The following KCND2 variants were observed in gnomAD, a reference collection of about 807,000 sequenced individuals.
KCND2 encodes potassium voltage-gated channel subfamily D member 2.
In KCND2, 16 loss-of-function variants were observed where a neutral mutation model predicts 54.4. The ratio of observed to expected loss-of-function variants is 0.29; its 90% confidence interval spans 0.20 to 0.45. KCND2 has a LOEUF of 0.45. KCND2 is among the 20% of genes least tolerant of loss of function. The pLI is 1.00. For missense variants in KCND2, 486 were observed against 824.2 expected (o/e 0.59, Z 5.02); for synonymous variants, 317 against 310.7 (o/e 1.02, Z -0.21).
Position 120,748,692 on chromosome 7 carries a change from T to C in KCND2, c.*834T>C, listed in dbSNP as rs13225809. The C allele has an allele frequency of 1.3e-5, 2 of 152,416 alleles. No individual in the cohort carries two copies. Among genetic ancestry groups the C allele is most frequent in the African/African-American group, 2.4e-5 (1 of 41,440 alleles). 9.4% of individuals were successfully genotyped at this position (152,416 alleles called of 1,614,324 possible). On this transcript the variant is annotated 3_prime_UTR_variant, in exon 6 of 6. Coordinates refer to ENST00000331113, the MANE Select transcript of KCND2 (RefSeq NM_012281.3). ...ATAGATACGGTAAGAGCCACATTCG[T>C]AGAAAAACTTCTGGTGTGGCCAGGT...
At chr7:120,566,393 G>T (rs1792297934) in intron 1 of KCND2, among the ~76,000 whole-genome samples, 1 of 151,908 alleles carries the variant, frequency 6.6e-6, no homozygotes, top group Non-Finnish European at 1.5e-5. Flanking sequence ...AGGCTGTAGT[G>T]CAGTGGCACA....
At chr7:120,424,684 T>G (rs1801675341) in intron 1 of KCND2, among the ~76,000 whole-genome samples, 1 of 152,236 alleles carries the variant, frequency 6.6e-6, no homozygotes, top group Non-Finnish European at 1.5e-5. Flanking sequence ...TTTCATCTTC[T>G]ACTTCATACT....
chr7:120,749,757 C>T lies in KCND2; in HGVS notation c.*1899C>T, dbSNP rs1246829671. 6.6e-6 allele frequency: 1 copy of T among 152,256 alleles called. No individual in the cohort carries two copies. 9.4% of individuals were successfully genotyped at this position (152,256 alleles called of 1,614,324 possible). ...TCCTAGTACATCTTTTAAAAAGTTA[C>T]TAATTTTCCAGCAGTACAAATATTA... is the stretch of plus-strand genomic sequence containing the variant. On this transcript the variant is annotated 3_prime_UTR_variant, in exon 6 of 6. Coordinates refer to ENST00000331113, the MANE Select transcript of KCND2 (RefSeq NM_012281.3).
chr7:120,421,361 G>A (rs1327852671), intron 1 of KCND2, among the ~76,000 whole-genome samples: 1 of 152,198 alleles, frequency 6.6e-6, no homozygotes, highest in Non-Finnish European at 1.5e-5. Context: ...AGATAATGAT[G>A]CAGGAAAAAG....
At chr7:120,331,073 T>A (rs187563366) in intron 1 of KCND2, among the ~76,000 whole-genome samples, 2 of 152,272 alleles carry the variant, frequency 1.3e-5, no homozygotes, top group Non-Finnish European at 2.9e-5. Context: ...ATTTCAAAAC[T>A]ATTATTTTCT....
rs377746178 is a variant in KCND2, at chr7:120,274,931, G to A, written c.299G>A (p.Arg100His). 2 of 1,613,808 alleles carry A rather than the reference G, an allele frequency of 1.2e-6. No homozygotes were observed. Among genetic ancestry groups the A allele is most frequent in the East Asian group, 2.2e-5 (1 of 44,860 alleles). The change falls in exon 1 of 6, where the codon CGC becomes CAC. Residue 100 changes from arginine (R) to histidine (H), a missense_variant. Arg to His is a conservative substitution (Grantham distance 29, BLOSUM62 0). Around this residue, in one of 7 missense-constraint regions of KCND2, gnomAD observed 231 missense variants for 386.0 expected, o/e 0.60. Coordinates refer to ENST00000331113, the MANE Select transcript of KCND2 (RefSeq NM_012281.3). The stretch of plus-strand genomic sequence containing the variant: ...TTCCGCCACATCCTGAATTTCTACC[G>A]CACTGGGAAGCTCCACTATCCTCGC... ...DIFRHILNFY[R>H]TGKLHYPRHE...
chr7:120,682,029 A>G (rs1792145896), intron 1 of KCND2, among the ~76,000 whole-genome samples: 1 of 152,040 alleles, frequency 6.6e-6, no homozygotes, highest in South Asian at 2.1e-4. Context: ...TGTAATTAAT[A>G]TGAATTTGCT....
At chr7:120,366,466 T>G (rs1584749075) in intron 1 of KCND2, among the ~76,000 whole-genome samples, 2 of 118,114 alleles carry the variant, frequency 1.7e-5, no homozygotes. Context: ...CCAGCTTGGG[T>G]GACAGAGCAA....
chr7:120,742,177 G>A (rs560359038), intron 3 of KCND2: 58 of 298,408 alleles, frequency 1.9e-4, no homozygotes, highest in Non-Finnish European at 6.4e-5. Flanking sequence ...GCACATGATC[G>A]TGGTTTCAAA....
chr7:120,359,232 T>A (rs1170794203), intron 1 of KCND2, among the ~76,000 whole-genome samples: 1 of 152,214 alleles, frequency 6.6e-6, no homozygotes, highest in African/African-American at 2.4e-5. Flanking sequence ...GTGCACAATT[T>A]TTTTCTTCAT....
intron 1 of KCND2, among the ~76,000 whole-genome samples, chr7:120,342,081 A>C (rs2116367346): frequency 6.6e-6 from 1 of 152,292 alleles, no homozygotes; most frequent in East Asian, 1.9e-4. Context: ...GATATTTAGA[A>C]TAGGGAAGTA....
At chr7:120,439,199 A>C (rs900272397) in intron 1 of KCND2, among the ~76,000 whole-genome samples, 3 of 152,050 alleles carry the variant, frequency 2.0e-5, no homozygotes, top group Admixed American at 1.3e-4. Context: ...TAAGAAATTA[A>C]TTAAATTAGA....
chr7:120,693,711 T>G (rs752622952), intron 1 of KCND2, among the ~76,000 whole-genome samples: 1 of 152,130 alleles, frequency 6.6e-6, no homozygotes, highest in African/African-American at 2.4e-5. Context: ...TCAAGCCTAT[T>G]TTACAGAATT....
At chr7:120,560,291 A>G (rs1792217688) in intron 1 of KCND2, among the ~76,000 whole-genome samples, 1 of 152,196 alleles carries the variant, frequency 6.6e-6, no homozygotes, top group Non-Finnish European at 1.5e-5. Flanking sequence ...AGCAGAAGAA[A>G]TTTTAACTAT....
chr7:120,736,662 A>G (rs1459203048), intron 2 of KCND2, among the ~76,000 whole-genome samples: 1 of 151,942 alleles, frequency 6.6e-6, no homozygotes, highest in Admixed American at 6.6e-5. Flanking sequence ...AATTGCAACA[A>G]CAAAAACCCT....
At chr7:120,359,260 C>A (rs1800555352) in intron 1 of KCND2, among the ~76,000 whole-genome samples, 1 of 152,092 alleles carries the variant, frequency 6.6e-6, no homozygotes, top group Admixed American at 6.6e-5. Flanking sequence ...CCAAAGAAGG[C>A]ACCCTTCCTC....
At chr7:120,363,040 C>T (rs1327682661) in intron 1 of KCND2, among the ~76,000 whole-genome samples, 2 of 152,040 alleles carry the variant, frequency 1.3e-5, no homozygotes, top group African/African-American at 4.8e-5. Context: ...TCGTGGCTCA[C>T]ATCTGTAATT....
rs188921247 is a variant in KCND2 at position 120,741,399 on chromosome 7, T to G, written c.1279-135T>G. On this transcript the variant is annotated intron_variant, in intron 2 of 5. Transcript: ENST00000331113. The stretch of plus-strand genomic sequence containing the variant: ...ACTTAAAAAGGTAGAGAGGTAATTT[T>G]CAATAGTTGCATTTGAAAAGCTGGC... 2,234 of 688,492 alleles carry G rather than the reference T, an allele frequency of 3.2e-3. 7 individuals are homozygous for G. The highest frequency in any genetic ancestry group is 8.0e-3 in the Middle Eastern group (31 of 3,884). 42.6% of individuals were successfully genotyped at this position (688,492 alleles called of 1,614,324 possible).
chr7:120,731,919 G>C (rs1181101936), intron 1 of KCND2, among the ~76,000 whole-genome samples: 1 of 152,116 alleles, frequency 6.6e-6, no homozygotes, highest in African/African-American at 2.4e-5. Flanking sequence ...ATTGTGGGGG[G>C]AAAATATTTG....
Sources: gnomAD v4.1 joint callset for allele counts (sites outside exome capture counted in the v4.1 genomes callset) on GRCh38, gnomAD v4.1.1 for gene constraint, gnomAD v4.1.1 regional missense constraint, MANE v1.5 for transcripts, NCBI Gene and HGNC (gene_info 2026-07-23, HGNC 2026-07-21) for gene names.